Variants in NTM observed in about 807,000 individuals in gnomAD.
NTM encodes neurotrimin.
A neutral mutation model predicts 42.1 loss-of-function variants in NTM; 13 were observed. That is an observed-to-expected ratio of 0.31 (90% CI 0.20 to 0.49). NTM has a LOEUF of 0.49. NTM is among the 20% of genes least tolerant of loss of function. The pLI is 0.99. For synonymous variants in NTM, 187 were observed against 179.2 expected, an observed-to-expected ratio of 1.04 and a Z score of -0.35; for missense variants, 373 against 452.8, an observed-to-expected ratio of 0.82 and a Z score of 1.60.
At chr11:132,219,637 C>G (rs888893063) in intron 4 of NTM, among the ~76,000 whole-genome samples, 51 of 152,114 alleles carry the variant, frequency 3.4e-4, no homozygotes, top group African/African-American at 1.1e-3. Flanking sequence ...CCTCCCCCCC[C>G]ACTGTCTTCC....
intron 1 of NTM, among the ~76,000 whole-genome samples, chr11:131,756,810 C>T (rs145394839): frequency 6.3e-4 from 96 of 152,318 alleles, no homozygotes; most frequent in African/African-American, 2.2e-3. Context: ...GACCATAACA[C>T]ATAGTCCTAG....
intron 1 of NTM, among the ~76,000 whole-genome samples, chr11:131,789,521 GAAGAAGAAGAAGAAGAAGAAGAAGAA>G: frequency 4.8e-5 from 1 of 20,658 alleles, no homozygotes; most frequent in Admixed American, 6.5e-4. Flanking sequence ...AGAAGAAGAA[GAAGAAGAAGAAGAAGAAGAAGAAGAA>G]AAGAAGAAGA....
intron 1 of NTM, among the ~76,000 whole-genome samples, chr11:131,451,512 C>A (rs1950489191): frequency 6.6e-6 from 1 of 151,968 alleles, no homozygotes; most frequent in Non-Finnish European, 1.5e-5. Flanking sequence ...GAAGGGGGTC[C>A]CATGCAGGAA....
At chr11:132,264,809 C>T (rs981409658) in intron 4 of NTM, among the ~76,000 whole-genome samples, 16 of 152,282 alleles carry the variant, frequency 1.1e-4, no homozygotes, top group African/African-American at 3.9e-4. Context: ...ACATAACTGC[C>T]AAAGGCAACC....
intron 2 of NTM, among the ~76,000 whole-genome samples, chr11:131,911,987 G>C (rs965790474): frequency 1.5e-4 from 23 of 152,194 alleles, no homozygotes; most frequent in African/African-American, 5.5e-4. Flanking sequence ...TGGTGACAGG[G>C]GGCTTGGAGG....
At chr11:132,314,288 A>T (rs1396642629) in intron 6 of NTM, among the ~76,000 whole-genome samples, 2 of 152,216 alleles carry the variant, frequency 1.3e-5, no homozygotes, top group East Asian at 3.9e-4. Flanking sequence ...CTGTCAGACT[A>T]CAAAGCAAGG....
At chr11:132,221,994 T>C (rs1671721227) in intron 4 of NTM, among the ~76,000 whole-genome samples, 1 of 152,180 alleles carries the variant, frequency 6.6e-6, no homozygotes, top group South Asian at 2.1e-4. Context: ...CCTACCAGCT[T>C]GGGGCACCCG....
intron 1 of NTM, among the ~76,000 whole-genome samples, chr11:131,708,395 A>G (rs1471570690): frequency 6.6e-6 from 1 of 152,158 alleles, no homozygotes; most frequent in Non-Finnish European, 1.5e-5. Flanking sequence ...GGTCAAGGTT[A>G]GAAAAATATT....
chr11:131,765,678 C>T (rs796090092), intron 1 of NTM, among the ~76,000 whole-genome samples: 20 of 152,308 alleles, frequency 1.3e-4, no homozygotes, highest in African/African-American at 4.6e-4. Context: ...ATATAATCTT[C>T]ATGAGGCCAG....
At position 131,878,593 on chromosome 11, in the gene NTM, AAATATATATATATATATATATAT is replaced by A. The variant is rs1239631383; in HGVS notation, c.83-32969_83-32947del. Among the ~76,000 whole-genome samples the A allele has an allele frequency of 5.9e-3, 148 of 25,110 alleles. 22 individuals are homozygous for A. The highest frequency in any genetic ancestry group is 0.018 in the African/African-American group (135 of 7,378). 16.5% of individuals were successfully genotyped at this position (25,110 alleles called of 152,430 possible). ...TCAAAAAAAAAAAAAAAAAAAAAAAAAATATATATATATATATATATATATATATATATATATATATATATATA... is the reference window on the plus strand; with the variant it reads ...TCAAAAAAAAAAAAAAAAAAAAAAAAATATATATATATATATATATATATA... On this transcript the variant is annotated intron_variant, in intron 1 of 8. Coordinates refer to ENST00000683400, the MANE Select transcript of NTM (RefSeq NM_001352005.2).
At chr11:131,665,855 T>C (rs562440341) in intron 1 of NTM, among the ~76,000 whole-genome samples, 1 of 152,360 alleles carries the variant, frequency 6.6e-6, no homozygotes, top group East Asian at 1.9e-4. Flanking sequence ...AGTTCCCATG[T>C]TGATCCCCAG....
At chr11:131,982,256 G>A (rs375745478) in intron 2 of NTM, among the ~76,000 whole-genome samples, 14 of 152,092 alleles carry the variant, frequency 9.2e-5, no homozygotes, top group African/African-American at 3.1e-4. Flanking sequence ...TTTGTGCACA[G>A]GAACTTGCCC....
chr11:131,638,563 CAAAAAAAAAAAA>C (rs58374119), intron 1 of NTM, among the ~76,000 whole-genome samples: 11 of 53,332 alleles, frequency 2.1e-4, no homozygotes, highest in African/African-American at 9.1e-4. Flanking sequence ...GAGACTCCTT[CAAAAAAAAAAAA>C]AAAAAAAAAA....
At chr11:132,306,344 G>C (rs1196314183) in intron 4 of NTM, 2 of 152,142 alleles carry the variant, frequency 1.3e-5, no homozygotes, top group East Asian at 1.9e-4. Flanking sequence ...ATTATGGAAG[G>C]GTTTTCTCAC....
chr11:132,096,960 C>A (rs79736060), intron 2 of NTM, among the ~76,000 whole-genome samples: 19,473 of 152,156 alleles, frequency 0.13, 1,471 homozygotes, highest in South Asian at 0.2. Flanking sequence ...AAGTGTCTAG[C>A]ACATAGTAGG....
chr11:132,064,721 G>C (rs1402590643), intron 2 of NTM, among the ~76,000 whole-genome samples: 1 of 152,164 alleles, frequency 6.6e-6, no homozygotes, highest in Non-Finnish European at 1.5e-5. Context: ...TCTACTCTTT[G>C]AACCCCATGG....
chr11:131,995,304 G>T (rs933894082), intron 2 of NTM, among the ~76,000 whole-genome samples: 1 of 152,076 alleles, frequency 6.6e-6, no homozygotes. Flanking sequence ...CAGGTGCTAG[G>T]ATGCAAGCAC....
chr11:131,862,875 T>C (rs953021015), intron 1 of NTM, among the ~76,000 whole-genome samples: 7 of 152,206 alleles, frequency 4.6e-5, no homozygotes, highest in Non-Finnish European at 8.8e-5. Context: ...GGAAGTCTGG[T>C]TGCTATCCTC....
At chr11:132,170,060 A>G (rs114004674) in intron 3 of NTM, among the ~76,000 whole-genome samples, 94 of 152,308 alleles carry the variant, frequency 6.2e-4, no homozygotes, top group African/African-American at 2.2e-3. Flanking sequence ...GAAACCAGCA[A>G]CTACAAACCT....
Sources: allele counts gnomAD v4.1 joint callset (sites outside exome capture counted in the v4.1 genomes callset), GRCh38; gene constraint gnomAD v4.1.1; transcripts MANE v1.5; gene names NCBI Gene and HGNC (gene_info 2026-07-23, HGNC 2026-07-21).